The following SNX25 variants were observed in gnomAD, a reference collection of about 807,000 sequenced individuals.
The protein encoded by SNX25 is sorting nexin-25.
A neutral mutation model predicts 113.7 loss-of-function variants in SNX25; 62 were observed. That is an observed-to-expected ratio of 0.55 (90% CI 0.44 to 0.67). SNX25 has a LOEUF of 0.67. Among genes scored for constraint, SNX25 ranks in the 30% least tolerant of loss-of-function variants. SNX25 has a pLI of 0.00. For synonymous variants in SNX25, 421 were observed against 436.2 expected, an observed-to-expected ratio of 0.97 and a Z score of 0.43; for missense variants, 1,014 against 1,161.0, an observed-to-expected ratio of 0.87 and a Z score of 1.84.
At chr4:185,256,224 A>G (rs10028004) in intron 2 of SNX25, among the ~76,000 whole-genome samples, 2,377 of 152,252 alleles carry the variant, frequency 0.016, 64 homozygotes, top group African/African-American at 0.054. Flanking sequence ...TTGGCAATTA[A>G]TTGTTCTCAG....
intron 1 of SNX25, among the ~76,000 whole-genome samples, chr4:185,212,491 G>GTGTGTGTTTTTGT (rs546083196): frequency 5.8e-4 from 61 of 104,922 alleles, no homozygotes; most frequent in East Asian, 1.6e-3. Flanking sequence ...GTGTGTGTGT[G>GTGTGTGTTTTTGT]TTTTTTTTTT....
the SNX25 span, chr4:185,376,906 T>TA: frequency 1.9e-6 from 3 of 1,595,964 alleles, no homozygotes; most frequent in African/African-American, 4.0e-5. Flanking sequence ...CAAAAAATGA[T>TA]ACCTCTTCAA....
intron 7 of SNX25, among the ~76,000 whole-genome samples, chr4:185,312,368 G>A (rs913641667): frequency 9.9e-5 from 15 of 152,144 alleles, no homozygotes; most frequent in African/African-American, 3.6e-4. Flanking sequence ...GTCAAAAGAT[G>A]ATATGCTTTT....
chr4:185,318,115 A>G (rs1329728964), intron 7 of SNX25, among the ~76,000 whole-genome samples: 1 of 152,204 alleles, frequency 6.6e-6, no homozygotes, highest in African/African-American at 2.4e-5. Flanking sequence ...TGTTGGTGTC[A>G]GAAGAGTTGA....
chr4:185,366,975 CTCT>C (rs1382994002), downstream of SNX25: 5 of 513,102 alleles, frequency 9.7e-6, no homozygotes, highest in Non-Finnish European at 1.7e-5. Flanking sequence ...CCTCTGAGGA[CTCT>C]TCCAGCAATT....
chr4:185,354,484 T>C (rs1405829671), intron 15 of SNX25, among the ~76,000 whole-genome samples: 1 of 152,188 alleles, frequency 6.6e-6, no homozygotes, highest in African/African-American at 2.4e-5. Flanking sequence ...GAGTCTGGGA[T>C]ACTGCTAAAC....
chr4:185,239,356 A>ACACG (rs1743222599), intron 1 of SNX25, among the ~76,000 whole-genome samples: 1 of 151,830 alleles, frequency 6.6e-6, no homozygotes. Flanking sequence ...GGTGGTGGGC[A>ACACG]CCTGTAGTCC....
At chr4:185,317,028 T>A (rs955758102) in intron 7 of SNX25, among the ~76,000 whole-genome samples, 4 of 152,102 alleles carry the variant, frequency 2.6e-5, no homozygotes, top group African/African-American at 9.7e-5. Context: ...GAAAATGCCT[T>A]CCCTGGCAGC....
the SNX25 span, chr4:185,375,510 A>ATGTGTG: frequency 1.6e-5 from 1 of 63,432 alleles, no homozygotes; most frequent in African/African-American, 9.3e-5. Context: ...ATATATATAT[A>ATGTGTG]TATATGTATA....
rs1739336397 is a variant in SNX25 at position 185,218,939 on chromosome 4, C to T, written c.429+8684C>T. Among the ~76,000 whole-genome samples, 4 of 152,238 alleles carry T rather than the reference C, an allele frequency of 2.6e-5. No homozygotes were observed. In the South Asian group the frequency reaches 8.3e-4, roughly 32 times the overall value. The stretch of plus-strand genomic sequence containing the variant: ...TCTCATACAGAACCTCATCCTCTTG[C>T]AGTACTCCTACCTTCTTGCTCTGCC... On this transcript the variant is annotated intron_variant, in intron 1 of 18. Transcript: ENST00000652585.
chr4:185,256,710 C>T (rs913411695), intron 2 of SNX25, among the ~76,000 whole-genome samples: 26 of 150,242 alleles, frequency 1.7e-4, no homozygotes, highest in African/African-American at 6.1e-4. Flanking sequence ...ACTGCAACCT[C>T]CACCTCCCAG....
At position 185,332,687 on chromosome 4, in the gene SNX25, A is replaced by C. The variant is rs750449687; in HGVS notation, c.1842A>C (p.Glu614Asp). 1 of 1,614,144 alleles carries C rather than the reference A, an allele frequency of 6.2e-7. No homozygotes were observed. The highest frequency in any genetic ancestry group is 8.5e-7 in the Non-Finnish European group (1 of 1,180,002). Reference sequence around the variant, plus strand: ...GTTTTGCTGTAAACAAACTGCGAGAACTAAATGAGAAACTTGAATATAAAA... The same window carrying C: ...GTTTTGCTGTAAACAAACTGCGAGACCTAAATGAGAAACTTGAATATAAAA... ...QASFAVNKLR[E>D]LNEKLEYKRQ... The change falls in exon 10 of 19, where the codon GAA becomes GAC. Residue 614 changes from glutamate to aspartate, a missense_variant. Transcript: ENST00000652585.
At chr4:185,240,190 T>C (rs1389590956) in intron 1 of SNX25, among the ~76,000 whole-genome samples, 1 of 151,982 alleles carries the variant, frequency 6.6e-6, no homozygotes, top group Admixed American at 6.5e-5. Flanking sequence ...ATGGCAACCA[T>C]CCGATTTCTC....
intron 1 of SNX25, among the ~76,000 whole-genome samples, chr4:185,221,075 C>T (rs777998799): frequency 6.5e-4 from 98 of 151,678 alleles, no homozygotes; most frequent in Non-Finnish European, 9.7e-4. Context: ...CTCTGTTGCC[C>T]GGGCTGGAGT....
intron 5 of SNX25, among the ~76,000 whole-genome samples, chr4:185,281,549 T>G (rs980788373): frequency 1.2e-4 from 18 of 152,232 alleles, no homozygotes; most frequent in African/African-American, 4.3e-4. Context: ...TCTTTACTAC[T>G]CTGATACACT....
intron 4 of SNX25, among the ~76,000 whole-genome samples, chr4:185,264,851 G>A (rs1358246678): frequency 6.6e-6 from 1 of 152,096 alleles, no homozygotes; most frequent in Non-Finnish European, 1.5e-5. Flanking sequence ...GCTCTTCACA[G>A]GGAAGCATTC....
At chr4:185,225,662 G>A (rs1054446842) in intron 1 of SNX25, among the ~76,000 whole-genome samples, 6 of 152,100 alleles carry the variant, frequency 3.9e-5, no homozygotes, top group Non-Finnish European at 8.8e-5. Flanking sequence ...CTTAGTAATG[G>A]GTAGAGCTAA....
At position 185,217,155 on chromosome 4, in the gene SNX25, G is replaced by T. The variant is rs1738980676; in HGVS notation, c.429+6900G>T. Among the ~76,000 whole-genome samples the T allele has an allele frequency of 1.3e-5, 2 of 152,078 alleles. 1 individual carries two copies. The highest frequency in any genetic ancestry group is 4.8e-5 in the African/African-American group (2 of 41,414). ...ACTTAAAAGGAGAAATACTGGCCGA[G>T]TGCAGTGGCTCACGCCTGTAATCCC... On this transcript the variant is annotated intron_variant, in intron 1 of 18. Transcript: ENST00000652585.
chr4:185,344,935 A>G (rs763135386), intron 12 of SNX25, among the ~76,000 whole-genome samples: 1 of 152,192 alleles, frequency 6.6e-6, no homozygotes, highest in Non-Finnish European at 1.5e-5. Context: ...TATAACAATG[A>G]ATTTTCCCCA....
Sources: gnomAD v4.1 joint callset for allele counts (sites outside exome capture counted in the v4.1 genomes callset) on GRCh38, gnomAD v4.1.1 for gene constraint, MANE v1.5 for transcripts, NCBI Gene and HGNC (gene_info 2026-07-23, HGNC 2026-07-21) for gene names.